MACROD1: variants seen among roughly 807,000 people sequenced by gnomAD.
MACROD1 encodes the protein mono-ADP ribosylhydrolase 1.
A neutral mutation model predicts 41.4 loss-of-function variants in MACROD1; 31 were observed. The ratio of observed to expected loss-of-function variants is 0.75; its 90% CI spans 0.56 to 1.01. MACROD1 has a LOEUF of 1.01. MACROD1 is among the 50% of genes least tolerant of loss of function. MACROD1 has a pLI of 0.00. For synonymous variants in MACROD1, 252 were observed against 203.4 expected, an observed-to-expected ratio of 1.24 and a Z score of -2.03; for missense variants, 473 against 460.0, an observed-to-expected ratio of 1.03 and a Z score of -0.26.
intron 3 of MACROD1, among the ~76,000 whole-genome samples, chr11:64,050,619 C>G (rs1009699991): frequency 6.6e-6 from 1 of 152,178 alleles, no homozygotes; most frequent in Non-Finnish European, 1.5e-5. Flanking sequence ...TGACCATGAC[C>G]CAGCAGTGAC....
At chr11:64,088,554 C>G (rs1180093398) in intron 3 of MACROD1, among the ~76,000 whole-genome samples, 6 of 152,198 alleles carry the variant, frequency 3.9e-5, no homozygotes, top group African/African-American at 1.4e-4. Flanking sequence ...TGGCACCACC[C>G]TTTACAGTGT....
At chr11:64,098,404 C>T (rs617856) in intron 3 of MACROD1, among the ~76,000 whole-genome samples, 26,797 of 152,172 alleles carry the variant, frequency 0.18, 2,928 homozygotes, top group Non-Finnish European at 0.24. Flanking sequence ...ATGTTCTTCC[C>T]GTCCCACTCC....
chr11:64,008,566 C>T (rs78890644), intron 4 of MACROD1, among the ~76,000 whole-genome samples: 7 of 152,032 alleles, frequency 4.6e-5, no homozygotes, highest in Admixed American at 1.3e-4. Context: ...CGCTCGGGCC[C>T]GGGAGCAGCA....
At chr11:64,000,859 G>A (rs11231672) in intron 4 of MACROD1, among the ~76,000 whole-genome samples, 18,939 of 152,164 alleles carry the variant, frequency 0.12, 2,543 homozygotes, top group African/African-American at 0.34. Context: ...CAAACCCTAG[G>A]ACCCATTTTG....
chr11:64,119,540 A>C (rs1945060296), intron 3 of MACROD1, among the ~76,000 whole-genome samples: 1 of 151,778 alleles, frequency 6.6e-6, no homozygotes, highest in African/African-American at 2.4e-5. Flanking sequence ...ATATCAGCTG[A>C]TTAGACCTAT....
intron 3 of MACROD1, among the ~76,000 whole-genome samples, chr11:64,071,097 C>T (rs577940409): frequency 6.6e-6 from 1 of 152,290 alleles, no homozygotes; most frequent in Non-Finnish European, 1.5e-5. Context: ...GGACCTCCAC[C>T]TGGGGTGGCT....
At chr11:64,154,690 G>C (rs1945640009) in intron 1 of MACROD1, among the ~76,000 whole-genome samples, 1 of 152,182 alleles carries the variant, frequency 6.6e-6, no homozygotes, top group African/African-American at 2.4e-5. Flanking sequence ...TGCTCTGCAG[G>C]ATATGGGATA....
chr11:64,148,157 AG>A (rs1326927215), intron 3 of MACROD1, among the ~76,000 whole-genome samples: 1 of 152,128 alleles, frequency 6.6e-6, no homozygotes, highest in African/African-American at 2.4e-5. Context: ...AAGGATCCCC[AG>A]GGCCCTGCTG....
chr11:64,015,504 A>C (rs1159863077), intron 3 of MACROD1, among the ~76,000 whole-genome samples: 2 of 152,076 alleles, frequency 1.3e-5, no homozygotes, highest in Non-Finnish European at 2.9e-5. Context: ...CTGGGGACAC[A>C]GGAGAGCTAT....
intron 3 of MACROD1, among the ~76,000 whole-genome samples, chr11:64,075,333 C>T (rs1253215701): frequency 6.6e-6 from 1 of 152,280 alleles, no homozygotes; most frequent in African/African-American, 2.4e-5. Context: ...AGACAGAAGT[C>T]ATCTTTCTGG....
intron 3 of MACROD1, among the ~76,000 whole-genome samples, chr11:64,028,688 C>A (rs866424343): frequency 6.6e-6 from 1 of 152,154 alleles, no homozygotes; most frequent in Admixed American, 6.5e-5. Flanking sequence ...TTCCCCTCCC[C>A]CTCCTCCCGC....
chr11:64,159,320 G>GAA (rs34061690), intron 1 of MACROD1, among the ~76,000 whole-genome samples: 1 of 104,014 alleles, frequency 9.6e-6, no homozygotes, highest in Non-Finnish European at 1.9e-5. Flanking sequence ...CTCCGTCTCA[G>GAA]AAAAAAAAAA....
At position 64,067,465 on chromosome 11, in the gene MACROD1, T is replaced by G. The variant is rs572561380; in HGVS notation, c.518-52184A>C. ...GTGACAGCCAGCACAGACGCCCAGC[T>G]CAGATAACAGAAGGGAGGAGATAGG... is the stretch of plus-strand genomic sequence containing the variant. On this transcript the variant is annotated intron_variant, in intron 3 of 10. Coordinates refer to ENST00000255681, the MANE Select transcript of MACROD1 (RefSeq NM_014067.4). The surrounding 1 kb of genome is among the most constrained non-coding windows in gnomAD (Gnocchi z 4.6). Among the ~76,000 whole-genome samples the G allele has an allele frequency of 1.5e-3, 235 of 151,960 alleles. 1 individual carries two copies. The highest frequency in any genetic ancestry group is 5.4e-3 in the African/African-American group (222 of 41,430).
At chr11:64,035,390 C>CGGAT (rs1268162273) in intron 3 of MACROD1, among the ~76,000 whole-genome samples, 1 of 151,882 alleles carries the variant, frequency 6.6e-6, no homozygotes, top group Non-Finnish European at 1.5e-5. Flanking sequence ...CACGGGTGGA[C>CGGAT]GGATGAATGA....
chr11:64,117,168 C>T, intron 3 of MACROD1: 1 of 1,614,048 alleles, frequency 6.2e-7, no homozygotes, highest in Non-Finnish European at 8.5e-7. Flanking sequence ...GCGGCTGGAC[C>T]TGTCCAACAA....
intron 3 of MACROD1, among the ~76,000 whole-genome samples, chr11:64,065,298 G>A (rs1020270920): frequency 3.3e-5 from 5 of 152,206 alleles, no homozygotes; most frequent in African/African-American, 7.2e-5. Context: ...GCGGGCAAGC[G>A]TCAGCTGCCT....
chr11:64,001,305 C>A (rs1942821742), intron 4 of MACROD1: 4 of 633,272 alleles, frequency 6.3e-6, no homozygotes, highest in Non-Finnish European at 1.1e-5. Context: ...GGACAGCGAC[C>A]CTCCCACAGA....
At chr11:64,148,021 G>A (rs1266554728) in intron 3 of MACROD1, among the ~76,000 whole-genome samples, 1 of 152,118 alleles carries the variant, frequency 6.6e-6, no homozygotes, top group Non-Finnish European at 1.5e-5. Context: ...TTACAGGAGT[G>A]AGCTACTACG....
chr11:64,075,083 AC>A (rs1347141362), intron 3 of MACROD1, among the ~76,000 whole-genome samples: 1 of 152,252 alleles, frequency 6.6e-6, no homozygotes, highest in Non-Finnish European at 1.5e-5. Context: ...CCTGGGCTCC[AC>A]TGTGGCTTCA....
Sources: allele counts gnomAD v4.1 joint callset (sites outside exome capture counted in the v4.1 genomes callset), GRCh38; gene constraint gnomAD v4.1.1; non-coding constraint Gnocchi (gnomAD v3.1); transcripts MANE v1.5; gene names NCBI Gene and HGNC (gene_info 2026-07-23, HGNC 2026-07-21).